Variants in CPB1 observed in about 807,000 individuals in gnomAD.
CPB1 encodes the protein carboxypeptidase B.
In CPB1, 53 loss-of-function variants were observed where a neutral mutation model predicts 51.4. The observed-to-expected ratio is 1.03, with a 90% CI of 0.83 to 1.30. The LOEUF is 1.30. Among genes scored for constraint, CPB1 ranks in the 50% most tolerant of loss-of-function variants. CPB1 has a pLI of 0.00. For missense variants in CPB1, 494 were observed against 516.2 expected (o/e 0.96, Z 0.42); for synonymous variants, 189 against 186.9 (o/e 1.01, Z -0.09).
At chr3:148,834,415 A>G (rs1192036404) in intron 2 of CPB1, 83 bp from the exon 3 acceptor site, 4 of 1,276,968 alleles carry the variant, frequency 3.1e-6, no homozygotes, top group Non-Finnish European at 4.5e-6. Flanking sequence ...AAATAACTCA[A>G]TTCAGTAGAG....
intron 2 of CPB1, among the ~76,000 whole-genome samples, chr3:148,832,650 AC>A (rs1458228764): frequency 6.6e-6 from 1 of 152,232 alleles, no homozygotes; most frequent in African/African-American, 2.4e-5. Context: ...GAATTATCCC[AC>A]CTGAGAGGTG....
chr3:148,850,397 G>A (rs1275621047), intron 9 of CPB1, among the ~76,000 whole-genome samples: 2 of 152,126 alleles, frequency 1.3e-5, no homozygotes, highest in Non-Finnish European at 2.9e-5. Context: ...CACCTCCCGG[G>A]TTCATGCCAT....
At chr3:148,828,112 T>G in intron 2 of CPB1, 35 bp downstream of exon 2, 1 of 1,521,962 alleles carries the variant, frequency 6.6e-7, no homozygotes, top group Non-Finnish European at 9.1e-7. Flanking sequence ...CACATCTAAT[T>G]TAAAATCTTA....
intron 6 of CPB1, among the ~76,000 whole-genome samples, chr3:148,843,378 T>A (rs1399220127): frequency 1.3e-5 from 2 of 151,964 alleles, no homozygotes; most frequent in Admixed American, 6.6e-5. Context: ...TATAATAATA[T>A]TATTATATAC....
intron 10 of CPB1, among the ~76,000 whole-genome samples, chr3:148,859,090 T>A (rs1576575915): frequency 6.6e-6 from 1 of 152,244 alleles, no homozygotes; most frequent in East Asian, 1.9e-4. Flanking sequence ...ACTTGGTGCA[T>A]GTTTTATTCA....
In CPB1 at chr3:148,827,862, A is replaced by G; in HGVS notation, c.39A>G (p.Ala13=). The change falls in exon 1 of 11, where the codon GCA becomes GCG. Residue 13 remains alanine (A), a synonymous_variant. Transcript: ENST00000282957. ...ALLVLVTVAL[A]SAHHGGEHFE... ...TGGTTCTGGTGACTGTGGCCCTGGC[A>G]TCTGCTCATCATGGTGGTGAGCACT... 1 of 1,614,208 alleles carries G rather than the reference A, an allele frequency of 6.2e-7. No individual in the cohort carries two copies. The highest frequency in any genetic ancestry group is 8.5e-7 in the Non-Finnish European group (1 of 1,180,024).
In CPB1 at chr3:148,860,086, G is replaced by T; in HGVS notation, c.*84G>T. 1.5e-6 allele frequency: 2 copies of T among 1,340,030 alleles called. No homozygotes were observed. The highest frequency in any genetic ancestry group is 2.1e-6 in the Non-Finnish European group (2 of 964,452). 83.0% of individuals were successfully genotyped at this position (1,340,030 alleles called of 1,614,324 possible). A position where few individuals can be genotyped will look rare whatever the true frequency, so the allele number is the denominator to read the frequency against. On this transcript the variant is annotated 3_prime_UTR_variant, in exon 11 of 11. Coordinates refer to ENST00000282957, the MANE Select transcript of CPB1 (RefSeq NM_001871.3). ...AATTCTTATTTTGGTTTGCCTGGAT[G>T]TTTTGCAGATCCCAATCTTTCTTTT...
At chr3:148,857,367 T>A (rs888392769) in intron 9 of CPB1, 90 bp from the exon 10 acceptor site, 5 of 941,588 alleles carry the variant, frequency 5.3e-6, no homozygotes, top group Non-Finnish European at 8.4e-6. Context: ...GTTACTTACA[T>A]GCTTTGAATG....
At chr3:148,842,088 G>GA (rs1190256206) in intron 6 of CPB1, among the ~76,000 whole-genome samples, 164 bp downstream of exon 6, 3 of 152,160 alleles carry the variant, frequency 2.0e-5, no homozygotes, top group Non-Finnish European at 4.4e-5. Context: ...TTATAAGGCA[G>GA]AAAATTCTAT....
chr3:148,840,316 A>ATAGG (rs1434235207), intron 3 of CPB1, among the ~76,000 whole-genome samples: 3 of 151,992 alleles, frequency 2.0e-5, no homozygotes, highest in Non-Finnish European at 4.4e-5. Context: ...AAGACCAAAG[A>ATAGG]TAGGTTTTGA....
At chr3:148,853,449 A>G (rs1713488309) in intron 9 of CPB1, among the ~76,000 whole-genome samples, 1 of 152,206 alleles carries the variant, frequency 6.6e-6, no homozygotes, top group African/African-American at 2.4e-5. Context: ...GAAACATTAC[A>G]CTAAGCTTTT....
chr3:148,857,678 A>C, intron 10 of CPB1, 137 bp downstream of exon 10: 1 of 396,066 alleles, frequency 2.5e-6, no homozygotes. Context: ...ATATGTAATC[A>C]GTTTTCTGTT....
At chr3:148,838,335 C>T (rs1414255252) in intron 3 of CPB1, 1 of 150,280 alleles carries the variant, frequency 6.7e-6, no homozygotes, top group South Asian at 2.1e-4. Context: ...GTTCTGGAAG[C>T]TTTGAAATGA....
intron 9 of CPB1, among the ~76,000 whole-genome samples, chr3:148,847,375 A>G (rs1254361776): frequency 1.7e-5 from 1 of 60,406 alleles, no homozygotes; most frequent in Admixed American, 2.0e-4. Flanking sequence ...TCATTCTTAA[A>G]AAAAAAAAAA....
At position 148,844,750 on chromosome 3, in the gene CPB1, T is replaced by C; in HGVS notation, c.761T>C (p.Phe254Ser). Reference sequence around the variant, plus strand: ...ATTGGCACAGACCCCAACAGAAATTTTGATGCTGGTTGGTGTGGTAAGTAT... The same window carrying C: ...ATTGGCACAGACCCCAACAGAAATTCTGATGCTGGTTGGTGTGGTAAGTAT... ...SCIGTDPNRNFDAGWCEIGAS... is the reference protein window; with the variant it reads ...SCIGTDPNRNSDAGWCEIGAS... The change falls in exon 8 of 11, where the codon TTT becomes TCT. Residue 254 changes from phenylalanine (F) to serine (S), a missense_variant. Transcript: ENST00000282957. 2 of 1,613,924 alleles carry C rather than the reference T, an allele frequency of 1.2e-6. No homozygotes were observed. Among genetic ancestry groups the C allele is most frequent in the Non-Finnish European group, 1.7e-6 (2 of 1,179,812 alleles).
chr3:148,857,665 A>G, intron 10 of CPB1, 124 bp downstream of exon 10: 1 of 489,740 alleles, frequency 2.0e-6, no homozygotes, highest in Non-Finnish European at 3.5e-6. Flanking sequence ...AAATTTTTCT[A>G]AAATATGTAA....
chr3:148,857,716 G>A, intron 10 of CPB1, 175 bp downstream of exon 10: 8 of 497,110 alleles, frequency 1.6e-5, no homozygotes, highest in East Asian at 3.2e-5. Flanking sequence ...GGGAAAGCCT[G>A]GACAACATAG....
intron 2 of CPB1, among the ~76,000 whole-genome samples, chr3:148,828,319 T>A (rs1350479999): frequency 6.6e-6 from 1 of 152,230 alleles, no homozygotes; most frequent in Non-Finnish European, 1.5e-5. Context: ...GACAACTGGA[T>A]GAGTTGCAAC....
chr3:148,839,331 C>T (rs1234794116), intron 3 of CPB1, among the ~76,000 whole-genome samples: 1 of 152,074 alleles, frequency 6.6e-6, no homozygotes, highest in African/African-American at 2.4e-5. Context: ...ATTTTTATCC[C>T]AGTGAGACTT....
Sources: allele counts gnomAD v4.1 joint callset (sites outside exome capture counted in the v4.1 genomes callset), GRCh38; gene constraint gnomAD v4.1.1; transcripts MANE v1.5; gene names NCBI Gene and HGNC (gene_info 2026-07-23, HGNC 2026-07-21).